AUTS2: variants seen among roughly 807,000 people sequenced by gnomAD.
AUTS2 encodes activator of transcription and developmental regulator AUTS2.
A neutral mutation model predicts 112.4 loss-of-function variants in AUTS2; 17 were observed. The observed-to-expected ratio is 0.15, with a 90% CI of 0.10 to 0.23. AUTS2 has a LOEUF of 0.23. Among genes scored for constraint, AUTS2 ranks in the 10% least tolerant of loss-of-function variants. AUTS2 has a pLI of 1.00. For missense variants in AUTS2, 1,510 were observed against 1,701.6 expected (o/e 0.89, Z 1.98); for synonymous variants, 751 against 702.7 (o/e 1.07, Z -1.09).
At chr7:70,056,132 C>T (rs1225723597) in intron 2 of AUTS2, among the ~76,000 whole-genome samples, 4 of 152,002 alleles carry the variant, frequency 2.6e-5, no homozygotes, top group East Asian at 1.9e-4. Context: ...GGATTACAGG[C>T]GTGCACCACC....
At chr7:69,989,624 C>T (rs1401064432) in intron 2 of AUTS2, among the ~76,000 whole-genome samples, 1 of 152,144 alleles carries the variant, frequency 6.6e-6, no homozygotes, top group African/African-American at 2.4e-5. Context: ...TATGTTGAGG[C>T]TTTAAATGGT....
At chr7:70,764,531 T>C (rs1317733175) in intron 7 of AUTS2, among the ~76,000 whole-genome samples, 1 of 151,922 alleles carries the variant, frequency 6.6e-6, no homozygotes, top group East Asian at 1.9e-4. Flanking sequence ...CCCACAGCCC[T>C]GAAGCAGCAG....
At chr7:70,583,376 A>C (rs1294837280) in intron 5 of AUTS2, among the ~76,000 whole-genome samples, 1 of 152,208 alleles carries the variant, frequency 6.6e-6, no homozygotes, top group Non-Finnish European at 1.5e-5. Context: ...CCCCAGTTCA[A>C]TTCTCTTTGC....
chr7:70,626,722 C>G (rs530898357), intron 5 of AUTS2, among the ~76,000 whole-genome samples: 5 of 152,250 alleles, frequency 3.3e-5, no homozygotes, highest in African/African-American at 1.2e-4. Context: ...ATGTCCATGT[C>G]TACCCAGTGG....
At chr7:69,739,594 C>G (rs1343174812) in intron 1 of AUTS2, among the ~76,000 whole-genome samples, 2 of 152,206 alleles carry the variant, frequency 1.3e-5, no homozygotes, top group Non-Finnish European at 2.9e-5. Context: ...AAATTCTGCT[C>G]TTGCTTCTAT....
At chr7:70,015,145 A>G (rs1171315198) in intron 2 of AUTS2, among the ~76,000 whole-genome samples, 1 of 152,168 alleles carries the variant, frequency 6.6e-6, no homozygotes, top group Non-Finnish European at 1.5e-5. Context: ...ACTCTCCTGA[A>G]AGTCCTATTA....
At chr7:70,456,763 C>A (rs1308904203) in intron 5 of AUTS2, among the ~76,000 whole-genome samples, 1 of 152,252 alleles carries the variant, frequency 6.6e-6, no homozygotes, top group Admixed American at 6.5e-5. Context: ...CAATCCCACA[C>A]AACCACCTCT....
chr7:70,277,801 A>G (rs1787997981), intron 4 of AUTS2, among the ~76,000 whole-genome samples: 1 of 152,214 alleles, frequency 6.6e-6, no homozygotes, highest in Admixed American at 6.5e-5. Flanking sequence ...ATGATAGGGC[A>G]AAATGTGAGT....
intron 1 of AUTS2, among the ~76,000 whole-genome samples, chr7:69,708,200 T>G (rs903584430): frequency 6.6e-6 from 1 of 152,214 alleles, no homozygotes; most frequent in African/African-American, 2.4e-5. Flanking sequence ...TATCACTGGT[T>G]TGTTAATATC....
chr7:69,680,599 TC>T (rs1406758799), intron 1 of AUTS2, among the ~76,000 whole-genome samples: 3 of 152,172 alleles, frequency 2.0e-5, no homozygotes, highest in Non-Finnish European at 4.4e-5. Flanking sequence ...AAACAACAAC[TC>T]CCCTCCCTTG....
At chr7:70,402,912 G>A (rs1316538228) in intron 4 of AUTS2, among the ~76,000 whole-genome samples, 2 of 152,144 alleles carry the variant, frequency 1.3e-5, no homozygotes, top group Non-Finnish European at 2.9e-5. Flanking sequence ...CTGGATGCAC[G>A]CAAAGAGACA....
chr7:70,281,955 A>T (rs1283827253), intron 4 of AUTS2, among the ~76,000 whole-genome samples: 1 of 152,208 alleles, frequency 6.6e-6, no homozygotes, highest in African/African-American at 2.4e-5. Flanking sequence ...AACAAACCGC[A>T]TAGATTGATC....
At chr7:70,573,345 CTCT>C (rs1257626857) in intron 5 of AUTS2, among the ~76,000 whole-genome samples, 1 of 152,194 alleles carries the variant, frequency 6.6e-6, no homozygotes, top group Non-Finnish European at 1.5e-5. Flanking sequence ...TGAAGAACTC[CTCT>C]ATTTAGGCCC....
At chr7:70,255,156 C>G (rs1028795397) in intron 4 of AUTS2, among the ~76,000 whole-genome samples, 4 of 150,468 alleles carry the variant, frequency 2.7e-5, no homozygotes, top group Admixed American at 2.0e-4. Context: ...TCACTGCAAC[C>G]TATGCCTCCT....
At chr7:70,428,629 G>T (rs1273783282) in intron 4 of AUTS2, among the ~76,000 whole-genome samples, 1 of 152,156 alleles carries the variant, frequency 6.6e-6, no homozygotes, top group African/African-American at 2.4e-5. Flanking sequence ...GCAGAAACAA[G>T]AATAAAATAA....
At chr7:70,624,651 T>C (rs912848933) in intron 5 of AUTS2, among the ~76,000 whole-genome samples, 1 of 152,010 alleles carries the variant, frequency 6.6e-6, no homozygotes, top group Non-Finnish European at 1.5e-5. Context: ...CCCTCCTGAG[T>C]ATCTAGCACA....
At chr7:70,135,465 A>G (rs1480584495) in intron 4 of AUTS2, among the ~76,000 whole-genome samples, 1 of 152,174 alleles carries the variant, frequency 6.6e-6, no homozygotes, top group Non-Finnish European at 1.5e-5. Flanking sequence ...AAAATCAAAT[A>G]AAGTGGAAAA....
At chr7:69,616,705 T>TGGATTTGGG (rs1793399430) in intron 1 of AUTS2, among the ~76,000 whole-genome samples, 1 of 152,114 alleles carries the variant, frequency 6.6e-6, no homozygotes, top group Non-Finnish European at 1.5e-5. Context: ...AGAAATAATG[T>TGGATTTGGG]GGATTTGGGG....
intron 1 of AUTS2, among the ~76,000 whole-genome samples, chr7:69,698,356 A>C (rs903394444): frequency 8.6e-5 from 13 of 152,002 alleles, no homozygotes; most frequent in African/African-American, 3.1e-4. Context: ...CTCTAACCTT[A>C]TTTGCTACTT....
Sources: allele counts gnomAD v4.1 joint callset (sites outside exome capture counted in the v4.1 genomes callset), GRCh38; gene constraint gnomAD v4.1.1; transcripts MANE v1.5; gene names NCBI Gene and HGNC (gene_info 2026-07-23, HGNC 2026-07-21).